Variants in ZNF821 observed in about 807,000 individuals in gnomAD.
ZNF821 encodes zinc finger protein 821.
ZNF821 carries 16 observed loss-of-function variants against 44.3 expected under a neutral mutation model. That is an observed-to-expected ratio of 0.36 (90% CI 0.24 to 0.55). ZNF821 has a LOEUF of 0.55. ZNF821 is among the 20% of genes least tolerant of loss of function. ZNF821 has a pLI of 0.86. For synonymous variants in ZNF821, 204 were observed against 197.6 expected (o/e 1.03, Z -0.27); for missense variants, 436 against 547.6 (o/e 0.80, Z 2.03).
At chr16:71,894,692 T>G in intron 1 of ZNF821, 1 of 621,650 alleles carries the variant, frequency 1.6e-6, no homozygotes, top group South Asian at 1.9e-5. Flanking sequence ...CTCCCCTAAT[T>G]TTTAACTTTT....
chr16:71,890,933 G>A (rs1188681179), intron 1 of ZNF821, among the ~76,000 whole-genome samples: 1 of 151,724 alleles, frequency 6.6e-6, no homozygotes, highest in Non-Finnish European at 1.5e-5. Flanking sequence ...ACCACGCCCA[G>A]CTAATTTTTT....
intron 2 of ZNF821, chr16:71,881,227 TA>T (rs1256496968): frequency 6.6e-5 from 10 of 152,188 alleles, no homozygotes; most frequent in African/African-American, 1.7e-4. Context: ...GTACTCCAGT[TA>T]ATGAAGACTC....
At chr16:71,878,330 G>T (rs1324541237) in intron 3 of ZNF821, among the ~76,000 whole-genome samples, 16 of 151,600 alleles carry the variant, frequency 1.1e-4, no homozygotes, top group Non-Finnish European at 2.4e-4. Flanking sequence ...TGGCCAGACT[G>T]GTCTCCAACT....
chr16:71,861,028 G>GT (rs1221603273), intron 7 of ZNF821, among the ~76,000 whole-genome samples: 1 of 152,040 alleles, frequency 6.6e-6, no homozygotes, highest in Non-Finnish European at 1.5e-5. Context: ...GCTAATTTTT[G>GT]TATTTTTAGT....
intron 2 of ZNF821, 182 bp from the exon 3 acceptor site, chr16:71,880,205 A>G: frequency 2.6e-6 from 1 of 388,908 alleles, no homozygotes; most frequent in Non-Finnish European, 4.5e-6. Flanking sequence ...AAGGTCCCAG[A>G]AAGTTTAAGA....
intron 1 of ZNF821, chr16:71,894,717 GTAGC>G: frequency 5.4e-6 from 1 of 185,762 alleles, no homozygotes; most frequent in Non-Finnish European, 8.9e-6. Context: ...TTTTTTTTTT[GTAGC>G]GATGCGGTTT....
intron 1 of ZNF821, among the ~76,000 whole-genome samples, chr16:71,892,178 C>CAAAAAAAAAAAAAAAAAAAAAAAAAAAA (rs560376648): frequency 3.1e-5 from 1 of 31,936 alleles, no homozygotes; most frequent in Non-Finnish European, 6.1e-5. Context: ...AACTCCGTCT[C>CAAAAAAAAAAAAAAAAAAAAAAAAAAAA]AAAAAAAAAA....
In ZNF821 at chr16:71,859,742, C is replaced by G; in HGVS notation, c.*276G>C. Reference sequence around the variant, plus strand: ...CTTCATGGGCCACACAGGGGCCCCACAGTCCTAGAAGCACAGCCTGTGGCA... The same window carrying G: ...CTTCATGGGCCACACAGGGGCCCCAGAGTCCTAGAAGCACAGCCTGTGGCA... On this transcript the variant is annotated 3_prime_UTR_variant, in exon 8 of 8. Transcript: ENST00000425432. 1 of 430,420 alleles carries G rather than the reference C, an allele frequency of 2.3e-6. No individual in the cohort carries two copies. The highest frequency in any genetic ancestry group is 4.1e-6 in the Non-Finnish European group (1 of 244,314). The allele number at this position is 430,420 out of a possible 1,614,324, so 26.7% of individuals were successfully genotyped here.
chr16:71,894,439 T>C (rs982849343), intron 1 of ZNF821: 6 of 161,854 alleles, frequency 3.7e-5, no homozygotes, highest in African/African-American at 1.2e-4. Context: ...AGAGACGGGG[T>C]TCCTCTGTGT....
intron 2 of ZNF821, among the ~76,000 whole-genome samples, chr16:71,882,538 C>T (rs1017935106): frequency 6.6e-6 from 1 of 152,124 alleles, no homozygotes; most frequent in African/African-American, 2.4e-5. Context: ...TGAGTGTCTG[C>T]GTATTTAAAT....
At chr16:71,886,949 C>A (rs924852416), upstream of ZNF821, among the ~76,000 whole-genome samples, 1 of 152,210 alleles carries the variant, frequency 6.6e-6, no homozygotes, top group Non-Finnish European at 1.5e-5. Flanking sequence ...TGGCTTTTGT[C>A]ACTTAATCTG....
upstream of ZNF821, among the ~76,000 whole-genome samples, chr16:71,885,676 A>G (rs1018286671): frequency 2.6e-5 from 4 of 152,318 alleles, no homozygotes; most frequent in African/African-American, 9.6e-5. Context: ...TGTTCAATGT[A>G]ATAGAATGAT....
chr16:71,875,601 C>T (rs2035720502), intron 3 of ZNF821, among the ~76,000 whole-genome samples: 1 of 152,004 alleles, frequency 6.6e-6, no homozygotes, highest in South Asian at 2.1e-4. Flanking sequence ...TTACAGGCAC[C>T]CACCACCACG....
At position 71,859,698 on chromosome 16, in the gene ZNF821, A is replaced by C. The variant is rs898414186; in HGVS notation, c.*320T>G. 1 of 306,706 alleles carries C rather than the reference A, an allele frequency of 3.3e-6. No homozygotes were observed. The allele number at this position is 306,706 out of a possible 1,614,324, so 19.0% of individuals were successfully genotyped here. A position where few individuals can be genotyped will look rare whatever the true frequency, so the allele number is the denominator to read the frequency against. On this transcript the variant is annotated 3_prime_UTR_variant, in exon 8 of 8. Coordinates refer to ENST00000425432, the MANE Select transcript of ZNF821 (RefSeq NM_001201552.2). The stretch of plus-strand genomic sequence containing the variant: ...AGAAAGGGGCAGTAAAGATAAAATT[A>C]ATTTATTTGACTTCACAACTTCATG...
chr16:71,890,407 G>C (rs1287908873), intron 1 of ZNF821, among the ~76,000 whole-genome samples: 1 of 145,026 alleles, frequency 6.9e-6, no homozygotes, highest in Non-Finnish European at 1.5e-5. Context: ...TTTTTTTTCA[G>C]ACAGGATCTC....
intron 3 of ZNF821, among the ~76,000 whole-genome samples, chr16:71,874,021 C>T (rs952487791): frequency 3.4e-5 from 5 of 148,216 alleles, no homozygotes; most frequent in African/African-American, 1.3e-4. Context: ...TGCAATGGCG[C>T]GACCTTGGCT....
At chr16:71,880,060 T>G in intron 2 of ZNF821, 37 bp from the exon 3 acceptor site, 1 of 997,728 alleles carries the variant, frequency 1.0e-6, no homozygotes, top group Non-Finnish European at 1.5e-6. Context: ...ACATGTCATT[T>G]TCCCCAGCAG....
At chr16:71,877,336 C>T (rs2035931186) in intron 3 of ZNF821, among the ~76,000 whole-genome samples, 1 of 152,178 alleles carries the variant, frequency 6.6e-6, no homozygotes, top group Admixed American at 6.5e-5. Flanking sequence ...TCTTGGCTCA[C>T]TGCAGCCTCA....
In ZNF821 at chr16:71,862,058, C is replaced by T. The variant is rs1336598754; in HGVS notation, c.418-116G>A. 1.1e-5 allele frequency: 14 copies of T among 1,220,408 alleles called. No individual in the cohort carries two copies. In the African/African-American group the frequency reaches 1.7e-4, roughly 14 times the overall value. The allele number at this position is 1,220,408 out of a possible 1,614,324, so 75.6% of individuals were successfully genotyped here. A position where few individuals can be genotyped will look rare whatever the true frequency, so the allele number is the denominator to read the frequency against. ...TCTTTAGTCTCAGAATAAGGAACTT[C>T]CAAGTATTCTGTTTAGCCCCTAGAA... On this transcript the variant is annotated intron_variant, in intron 6 of 7. Transcript: ENST00000425432.
Sources: gnomAD v4.1 joint callset for allele counts (sites outside exome capture counted in the v4.1 genomes callset) on GRCh38, gnomAD v4.1.1 for gene constraint, MANE v1.5 for transcripts, NCBI Gene and HGNC (gene_info 2026-07-23, HGNC 2026-07-21) for gene names.